Variants in BMPER observed in about 807,000 individuals in gnomAD.
BMPER encodes BMP-binding endothelial regulator protein.
A neutral mutation model predicts 87.3 loss-of-function variants in BMPER; 45 were observed. The ratio of observed to expected loss-of-function variants is 0.52; its 90% CI spans 0.41 to 0.66. BMPER has a LOEUF of 0.66. BMPER is among the 30% of genes least tolerant of loss of function. The probability of loss-of-function intolerance (pLI) is 0.00; values close to 1 mark genes in which losing one functional copy is unlikely to be tolerated. For synonymous variants in BMPER, 326 were observed against 316.2 expected (o/e 1.03, Z -0.33); for missense variants, 784 against 867.5 (o/e 0.90, Z 1.21).
At position 34,000,148 on chromosome 7, in the gene BMPER, G is replaced by A. The variant is rs563093914; in HGVS notation, c.576+25364G>A. Among the ~76,000 whole-genome samples the A allele has an allele frequency of 2.6e-5, 4 of 152,166 alleles. No homozygotes were observed. The South Asian group carries it at 8.3e-4, about 32-fold the overall frequency. On this transcript the variant is annotated intron_variant, in intron 6 of 14. Coordinates refer to ENST00000649409, the MANE Select transcript of BMPER (RefSeq NM_001365308.1). ...GCTGGAGAAGAGAAGGTGAAAAGAA[G>A]GGTTAGGAACAGTGTGACCAAATTA...
intron 12 of BMPER, among the ~76,000 whole-genome samples, chr7:34,080,086 G>A (rs1188303446): frequency 6.6e-6 from 1 of 152,092 alleles, no homozygotes; most frequent in Non-Finnish European, 1.5e-5. Flanking sequence ...ATATTGCACT[G>A]CCTTTCCTTT....
chr7:34,044,658 T>C (rs1458765800), intron 6 of BMPER, among the ~76,000 whole-genome samples: 2 of 152,194 alleles, frequency 1.3e-5, no homozygotes, highest in Non-Finnish European at 2.9e-5. Context: ...CCTGGGATTC[T>C]GGGGAGATTT....
intron 3 of BMPER, among the ~76,000 whole-genome samples, chr7:33,962,611 T>C (rs1229609206): frequency 1.3e-5 from 2 of 152,174 alleles, no homozygotes; most frequent in African/African-American, 4.8e-5. Flanking sequence ...TGGGTAGGGC[T>C]TAGGGTGAAA....
chr7:33,971,579 T>C (rs751101566), intron 5 of BMPER, among the ~76,000 whole-genome samples: 2 of 152,348 alleles, frequency 1.3e-5, no homozygotes, highest in Non-Finnish European at 2.9e-5. Flanking sequence ...CTCTGAATGC[T>C]GTGAAAGGTT....
intron 13 of BMPER, among the ~76,000 whole-genome samples, chr7:34,088,339 A>G (rs1789278816): frequency 6.6e-6 from 1 of 152,150 alleles, no homozygotes. Flanking sequence ...CAACAGGAGG[A>G]TGCACCTTCA....
intron 6 of BMPER, among the ~76,000 whole-genome samples, chr7:34,011,854 G>A (rs1786890732): frequency 6.6e-6 from 1 of 151,760 alleles, no homozygotes; most frequent in South Asian, 2.1e-4. Context: ...AATCTCCTTG[G>A]AAAGGCTTTC....
At chr7:33,990,690 T>A (rs1164465707) in intron 6 of BMPER, among the ~76,000 whole-genome samples, 1 of 146,156 alleles carries the variant, frequency 6.8e-6, no homozygotes, top group African/African-American at 2.5e-5. Flanking sequence ...CCCTGTCTTG[T>A]GCCAGTTTTC....
Position 34,064,499 on chromosome 7 carries a change from GTA to G in BMPER, c.1078+2454_1078+2455del, listed in dbSNP as rs145293363. On this transcript the variant is annotated intron_variant, in intron 11 of 14. Transcript: ENST00000649409. Reference sequence around the variant, plus strand: ...GAAAAGAATACAAATGGAAGGAAAGGTATTATAAAATAGAAGCAAGCTTTAAA... The same window carrying G: ...GAAAAGAATACAAATGGAAGGAAAGGTTATAAAATAGAAGCAAGCTTTAAA... Among the ~76,000 whole-genome samples, 1,347 of 152,188 alleles carry G rather than the reference GTA, an allele frequency of 8.9e-3. 14 individuals are homozygous for G. The highest frequency in any genetic ancestry group is 0.03 in the African/African-American group (1,258 of 41,508).
chr7:33,972,848 T>A (rs1785583934), intron 5 of BMPER, among the ~76,000 whole-genome samples: 1 of 152,172 alleles, frequency 6.6e-6, no homozygotes, highest in African/African-American at 2.4e-5. Flanking sequence ...GGCCAACCTT[T>A]GGGATGCAAA....
At chr7:34,016,590 G>A (rs1260175424) in intron 6 of BMPER, among the ~76,000 whole-genome samples, 2 of 151,898 alleles carry the variant, frequency 1.3e-5, no homozygotes, top group Non-Finnish European at 2.9e-5. Flanking sequence ...TCCTGGGGTG[G>A]AATTACTGAG....
chr7:33,974,764 T>G lies in BMPER; in HGVS notation c.556T>G (p.Cys186Gly). The G allele has an allele frequency of 6.2e-7, 1 of 1,614,026 alleles. No homozygotes were observed. The highest frequency in any genetic ancestry group is 2.2e-5 in the East Asian group (1 of 44,862). Residue 186 changes from cysteine to glycine, a missense_variant, in exon 6 of 15, where the codon TGT (cysteine) becomes GGT (glycine). By Grantham distance (159) the Cys-to-Gly change is radical (BLOSUM62 -3). Transcript: ENST00000649409. ...GEEFQPEGSKCTKCSCTGGRT... is the reference protein window; with the variant it reads ...GEEFQPEGSKGTKCSCTGGRT... ...GGAATTTCAGCCAGAAGGAAGCAAATGTACCAAGTGTTCCTGCACTGTAAG... is the reference window on the plus strand; with the variant it reads ...GGAATTTCAGCCAGAAGGAAGCAAAGGTACCAAGTGTTCCTGCACTGTAAG...
At chr7:34,151,421 G>A (rs1290221876) in intron 14 of BMPER, among the ~76,000 whole-genome samples, 1 of 152,172 alleles carries the variant, frequency 6.6e-6, no homozygotes, top group Admixed American at 6.5e-5. Context: ...ATGTCAGGTA[G>A]TAGTATGTGT....
chr7:34,134,973 C>T (rs1211683834), intron 13 of BMPER, among the ~76,000 whole-genome samples: 1 of 152,154 alleles, frequency 6.6e-6, no homozygotes, highest in Non-Finnish European at 1.5e-5. Context: ...CAATCCATAG[C>T]TTCAGAAGAG....
At chr7:33,905,397 G>T, upstream of BMPER, 1 of 391,760 alleles carries the variant, frequency 2.6e-6, no homozygotes, top group Non-Finnish European at 4.6e-6. Flanking sequence ...GAGCCTGGCC[G>T]CAGGACCCCT....
At chr7:33,970,862 A>C (rs534113514) in intron 5 of BMPER, among the ~76,000 whole-genome samples, 8 of 152,148 alleles carry the variant, frequency 5.3e-5, no homozygotes, top group Non-Finnish European at 1.2e-4. Flanking sequence ...TCAGTTTTCC[A>C]TGTGGTTCAA....
chr7:34,041,246 G>T (rs1787824640), intron 6 of BMPER, among the ~76,000 whole-genome samples: 1 of 152,140 alleles, frequency 6.6e-6, no homozygotes, highest in Non-Finnish European at 1.5e-5. Context: ...CTGTAGGGGT[G>T]ACAAAAGCAT....
Position 33,947,607 on chromosome 7 carries a change from A to G in BMPER, c.319+10219A>G, listed in dbSNP as rs1018649238. Among the ~76,000 whole-genome samples, 11 of 152,332 alleles carry G rather than the reference A, an allele frequency of 7.2e-5. No individual in the cohort carries two copies. In the South Asian group the frequency reaches 1.7e-3, roughly 23 times the overall value. On this transcript the variant is annotated intron_variant, in intron 3 of 14. Transcript: ENST00000649409. ...GCAAAATATAAATATTTGCACATCA[A>G]TTTCCAAAATGAGGTCAACTGCCCT... is the stretch of plus-strand genomic sequence containing the variant.
chr7:34,103,005 G>T (rs1789722661), intron 13 of BMPER, among the ~76,000 whole-genome samples: 1 of 152,116 alleles, frequency 6.6e-6, no homozygotes, highest in Non-Finnish European at 1.5e-5. Context: ...GGAAAAAAAT[G>T]CTTTCTGAGC....
At chr7:33,995,022 C>G (rs1282301895) in intron 6 of BMPER, among the ~76,000 whole-genome samples, 2 of 152,034 alleles carry the variant, frequency 1.3e-5, no homozygotes, top group African/African-American at 2.4e-5. Context: ...AAATGTACAT[C>G]TTAAAATTTA....
Sources: allele counts gnomAD v4.1 joint callset (sites outside exome capture counted in the v4.1 genomes callset), GRCh38; gene constraint gnomAD v4.1.1; transcripts MANE v1.5; gene names NCBI Gene and HGNC (gene_info 2026-07-23, HGNC 2026-07-21).